The following KLC1 variants were observed in gnomAD, a reference collection of about 807,000 sequenced individuals.
The protein encoded by KLC1 is kinesin 2 60/70kDa.
Under a neutral mutation model 84.2 loss-of-function variants are expected in KLC1, and 30 were observed. The observed-to-expected ratio is 0.36, with a 90% confidence interval of 0.27 to 0.48. KLC1 has a LOEUF of 0.48. Ranked by LOEUF, KLC1 falls within the 20% of genes least tolerant of loss-of-function variation. KLC1 has a pLI of 0.99. For synonymous variants in KLC1, 289 were observed against 293.3 expected (o/e 0.99, Z 0.15); for missense variants, 499 against 805.4 (o/e 0.62, Z 4.60).
chr14:103,635,991 A>G (rs2077012825), intron 1 of KLC1, among the ~76,000 whole-genome samples: 1 of 152,054 alleles, frequency 6.6e-6, no homozygotes, highest in Admixed American at 6.6e-5. Flanking sequence ...TTCTTGGGGA[A>G]ACCTCGCGCC....
chr14:103,631,687 T>C (rs1475567465), intron 1 of KLC1, among the ~76,000 whole-genome samples: 2 of 152,150 alleles, frequency 1.3e-5, no homozygotes, highest in African/African-American at 4.8e-5. Flanking sequence ...AACCTCCGCC[T>C]CCCAGGTTCC....
intron 5 of KLC1, among the ~76,000 whole-genome samples, chr14:103,663,810 G>A (rs149627353): frequency 8.5e-5 from 13 of 152,290 alleles, no homozygotes; most frequent in African/African-American, 3.1e-4. Flanking sequence ...GATTGAGGTT[G>A]TCGGGGTGGG....
At chr14:103,698,806 A>T (rs760421139) in intron 15 of KLC1, 2 of 1,597,358 alleles carry the variant, frequency 1.3e-6, no homozygotes, top group Admixed American at 3.4e-5. Context: ...TGTCAGTGGG[A>T]CTGGGTCCCA....
rs564589293 is a variant in KLC1 at position 103,667,626 on chromosome 14, G to A, written c.798-1885G>A. Among the ~76,000 whole-genome samples, 13 of 152,264 alleles carry A rather than the reference G, an allele frequency of 8.5e-5. No homozygotes were observed. The East Asian group carries it at 1.4e-3, about 16-fold the overall frequency. ...GCTAGGATTGCAGGTGTGAGCCACCGCACCTGGCCACTACTTTTTGGAACT... is the reference window on the plus strand; with the variant it reads ...GCTAGGATTGCAGGTGTGAGCCACCACACCTGGCCACTACTTTTTGGAACT... On this transcript the variant is annotated intron_variant, in intron 5 of 16. Transcript: ENST00000334553.
chr14:103,696,346 T>G, intron 15 of KLC1: 1 of 985,300 alleles, frequency 1.0e-6, no homozygotes, highest in Non-Finnish European at 1.2e-6. Context: ...TGGGCAGCAC[T>G]TGGTCTTGTG....
intron 1 of KLC1, among the ~76,000 whole-genome samples, chr14:103,646,285 G>C (rs143380247): frequency 6.6e-6 from 1 of 152,104 alleles, no homozygotes; most frequent in East Asian, 1.9e-4. Flanking sequence ...GAATTAAAAG[G>C]ACAGTTTTAG....
intron 13 of KLC1, among the ~76,000 whole-genome samples, chr14:103,680,243 T>G (rs997490476): frequency 1.3e-5 from 2 of 151,048 alleles, no homozygotes; most frequent in African/African-American, 2.4e-5. Context: ...CTTCTGGACA[T>G]TTTTTCTCCA....
chr14:103,677,599 GA>G, intron 12 of KLC1, 76 bp downstream of exon 12: 1 of 829,124 alleles, frequency 1.2e-6, no homozygotes, highest in Non-Finnish European at 2.0e-6. Context: ...GAATTTTATT[GA>G]AAGCTTGATT....
chr14:103,634,589 G>A (rs1217914658), intron 1 of KLC1, among the ~76,000 whole-genome samples: 1 of 152,108 alleles, frequency 6.6e-6, no homozygotes, highest in Non-Finnish European at 1.5e-5. Flanking sequence ...GTAGAGATGG[G>A]GAGTGGGTCT....
chr14:103,692,734 A>G (rs1461859817), intron 15 of KLC1, among the ~76,000 whole-genome samples: 1 of 152,208 alleles, frequency 6.6e-6, no homozygotes, highest in East Asian at 1.9e-4. Context: ...AGCTCGACCA[A>G]TTACTAGTTT....
chr14:103,685,610 G>C lies in KLC1; in HGVS notation c.1651-1471G>C, dbSNP rs138802509. 7.4e-4 allele frequency: 955 copies of C among 1,289,288 alleles called. 7 individuals carry two copies. Among genetic ancestry groups the C allele is most frequent in the South Asian group, 6.2e-3 (500 of 81,020 alleles). 79.9% of individuals were successfully genotyped at this position (1,289,288 alleles called of 1,614,324 possible). A position where few individuals can be genotyped will look rare whatever the true frequency, so the allele number is the denominator to read the frequency against. ...CCTTTCCTCGCCGCGGTTTCACGTG[G>C]GTTTTCTCTCTCCTTTCTGTCTGAC... On this transcript the variant is annotated intron_variant, in intron 13 of 16. Transcript: ENST00000334553.
At position 103,700,669 on chromosome 14, in the gene KLC1, A is replaced by AAAC; in HGVS notation, c.1863_1864insAAC (p.Arg621_Ala622insAsn). On this transcript the variant is annotated inframe_insertion, in exon 16 of 17. Transcript: ENST00000334553. ...TTCATCTCCAGGGCGTCTCTGGCCG[A>AAAC]GCCTCTTTTTGTGGAAAACGACAGC... 6.2e-7 allele frequency: 1 copy of AAAC among 1,607,680 alleles called. No homozygotes were observed. Among genetic ancestry groups the AAAC allele is most frequent in the East Asian group, 2.3e-5 (1 of 44,372 alleles).
rs1403843730 is a variant in KLC1, at chr14:103,698,441, A to G, written c.1849-2214A>G. ...GGGGGCAGGCCTCAGACGCAACCCC[A>G]GTTGGGCTTCCATGTGGAGAGAAGA... is the stretch of plus-strand genomic sequence containing the variant. On this transcript the variant is annotated intron_variant, in intron 15 of 16. Transcript: ENST00000334553. 4.7e-5 allele frequency: 16 copies of G among 342,812 alleles called. 1 individual carries two copies. The highest frequency in any genetic ancestry group is 4.0e-4 in the South Asian group (16 of 39,710). The allele number at this position is 342,812 out of a possible 1,614,324, so 21.2% of individuals were successfully genotyped here. A position where few individuals can be genotyped will look rare whatever the true frequency, so the allele number is the denominator to read the frequency against.
chr14:103,697,791 G>C (rs2082684378), intron 15 of KLC1: 1 of 152,462 alleles, frequency 6.6e-6, no homozygotes, highest in African/African-American at 2.4e-5. Context: ...TGTGCAGCCA[G>C]ATGTGTTCCC....
At chr14:103,670,683 A>AAGTGGTT (rs1324482593) in intron 7 of KLC1, among the ~76,000 whole-genome samples, 77 of 151,970 alleles carry the variant, frequency 5.1e-4, no homozygotes, top group Non-Finnish European at 4.6e-4. Flanking sequence ...TTGAGAAATA[A>AAGTGGTT]CCACTGTGAT....
intron 1 of KLC1, among the ~76,000 whole-genome samples, chr14:103,644,941 C>A (rs1324892815): frequency 3.3e-5 from 5 of 150,584 alleles, no homozygotes; most frequent in Non-Finnish European, 7.4e-5. Context: ...CTTTTCTGTT[C>A]TATTCTGTTC....
Position 103,657,787 on chromosome 14 carries a change from C to G in KLC1, c.492+11C>G, listed in dbSNP as rs367914422. On this transcript the variant is annotated intron_variant, in intron 3 of 16. Coordinates refer to ENST00000334553, the MANE Select transcript of KLC1 (RefSeq NM_001394837.1). ...GACATTTCCCCATCCGTGAGTGGCT[C>G]TGTAGCAAATGTGGTGCTAATGTTT... 6.3e-7 allele frequency: 1 copy of G among 1,590,364 alleles called. No homozygotes were observed. Among genetic ancestry groups the G allele is most frequent in the African/African-American group, 1.3e-5 (1 of 74,446 alleles).
chr14:103,657,769 C>A lies in KLC1; in HGVS notation c.485C>A (p.Ser162Tyr). ...NQLKKYDDDI[S>Y]PSEDKDTDST... ...CTAAAAAAATATGATGACGACATTTCCCCATCCGTGAGTGGCTCTGTAGCA... is the reference window on the plus strand; with the variant it reads ...CTAAAAAAATATGATGACGACATTTACCCATCCGTGAGTGGCTCTGTAGCA... Residue 162 changes from serine (S) to tyrosine (Y), a missense_variant, in exon 3 of 17, where the codon TCC (serine) becomes TAC (tyrosine). Transcript: ENST00000334553. 1 of 1,611,882 alleles carries A rather than the reference C, an allele frequency of 6.2e-7. No individual in the cohort carries two copies. The highest frequency in any genetic ancestry group is 8.5e-7 in the Non-Finnish European group (1 of 1,178,192).
At chr14:103,698,895 A>G in intron 15 of KLC1, 2 of 1,603,328 alleles carry the variant, frequency 1.2e-6, no homozygotes, top group Non-Finnish European at 1.7e-6. Context: ...GAGCACCCGC[A>G]GGGTCCGGGC....
Sources: gnomAD v4.1 joint callset for allele counts (sites outside exome capture counted in the v4.1 genomes callset) on GRCh38, gnomAD v4.1.1 for gene constraint, MANE v1.5 for transcripts, NCBI Gene and HGNC (gene_info 2026-07-23, HGNC 2026-07-21) for gene names.